Variants in CSMD3 observed in about 807,000 individuals in gnomAD.
The protein encoded by CSMD3 is CUB and sushi domain-containing protein 3.
Under a neutral mutation model 435.2 loss-of-function variants are expected in CSMD3, and 177 were observed. The ratio of observed to expected loss-of-function variants is 0.41; its 90% CI spans 0.36 to 0.46. The LOEUF (loss-of-function observed/expected upper bound fraction) is 0.46, where lower values mean the gene tolerates loss of function less well. CSMD3 is among the 20% of genes least tolerant of loss of function. The pLI is 0.34. For missense variants in CSMD3, 4,265 were observed against 4,504.6 expected (o/e 0.95, Z 1.52); for synonymous variants, 1,656 against 1,520.5 (o/e 1.09, Z -2.07).
At chr8:112,393,538 C>T (rs1830618264) in intron 35 of CSMD3, among the ~76,000 whole-genome samples, 1 of 152,156 alleles carries the variant, frequency 6.6e-6, no homozygotes, top group African/African-American at 2.4e-5. Flanking sequence ...TCTGAGCAGA[C>T]AAGGTCACCC....
intron 27 of CSMD3, among the ~76,000 whole-genome samples, chr8:112,518,736 C>G (rs1823965558): frequency 2.0e-5 from 3 of 151,606 alleles, no homozygotes; most frequent in African/African-American, 7.3e-5. Flanking sequence ...TTGTATTAGT[C>G]TGTTAACACA....
chr8:112,327,907 A>T (rs1436796045), intron 45 of CSMD3, among the ~76,000 whole-genome samples: 1 of 152,212 alleles, frequency 6.6e-6, no homozygotes, highest in Admixed American at 6.6e-5. Flanking sequence ...TCAATGAAAC[A>T]TCCAACCCAA....
chr8:112,407,303 C>A (rs1831944834), intron 34 of CSMD3, among the ~76,000 whole-genome samples: 1 of 151,916 alleles, frequency 6.6e-6, no homozygotes, highest in African/African-American at 2.4e-5. Context: ...AAAGTTTTTA[C>A]TTTAATAATC....
At chr8:113,352,414 T>C (rs2094196174) in intron 1 of CSMD3, among the ~76,000 whole-genome samples, 1 of 152,058 alleles carries the variant, frequency 6.6e-6, no homozygotes, top group African/African-American at 2.4e-5. Flanking sequence ...CCGAGAACCT[T>C]CAGAAGGAGC....
At chr8:113,073,262 C>T (rs958299733) in intron 5 of CSMD3, among the ~76,000 whole-genome samples, 2 of 151,744 alleles carry the variant, frequency 1.3e-5, no homozygotes, top group Non-Finnish European at 2.9e-5. Context: ...CGTTTCTGCA[C>T]ACCTGGTAAG....
intron 22 of CSMD3, among the ~76,000 whole-genome samples, chr8:112,608,163 G>T (rs1253506040): frequency 7.3e-5 from 11 of 151,656 alleles, no homozygotes; most frequent in Non-Finnish European, 1.6e-4. Context: ...TACTAACAAT[G>T]AACTATTCAA....
At chr8:112,811,579 G>T (rs1587365904) in intron 12 of CSMD3, among the ~76,000 whole-genome samples, 1 of 152,236 alleles carries the variant, frequency 6.6e-6, no homozygotes, top group East Asian at 1.9e-4. Context: ...AAAGATAGAA[G>T]TGTATATTTT....
At chr8:112,335,008 C>T (rs62514405) in intron 45 of CSMD3, among the ~76,000 whole-genome samples, 2,037 of 152,212 alleles carry the variant, frequency 0.013, 21 homozygotes, top group Non-Finnish European at 0.02. Context: ...AATCTATTGA[C>T]GTCTCAAAAT....
chr8:112,948,213 T>C (rs937002053), intron 8 of CSMD3, among the ~76,000 whole-genome samples: 14 of 151,988 alleles, frequency 9.2e-5, no homozygotes, highest in African/African-American at 3.4e-4. Context: ...AGAGTTTCCA[T>C]TAATCACTGG....
intron 31 of CSMD3, among the ~76,000 whole-genome samples, chr8:112,482,532 G>A (rs1421011517): frequency 6.6e-6 from 1 of 152,038 alleles, no homozygotes; most frequent in East Asian, 1.9e-4. Context: ...GTAGTCGCAC[G>A]CTGTTGTCAC....
intron 14 of CSMD3, 143 bp downstream of exon 14, chr8:112,689,725 C>A: frequency 1.5e-6 from 1 of 667,582 alleles, no homozygotes; most frequent in African/African-American, 1.8e-5. Flanking sequence ...GGCATAAGCA[C>A]ACTTGTTAAA....
intron 5 of CSMD3, among the ~76,000 whole-genome samples, chr8:113,086,661 C>T (rs2089792977): frequency 6.6e-6 from 1 of 152,028 alleles, no homozygotes; most frequent in South Asian, 2.1e-4. Flanking sequence ...CTGAGTTTGG[C>T]TTTACGTATG....
At chr8:112,582,696 A>G (rs902271425) in intron 23 of CSMD3, among the ~76,000 whole-genome samples, 1 of 152,044 alleles carries the variant, frequency 6.6e-6, no homozygotes, top group African/African-American at 2.4e-5. Context: ...CTATGGTCTC[A>G]ATATTTGTGT....
chr8:113,156,904 C>CCTGGGTGGA (rs2091944780), intron 4 of CSMD3, among the ~76,000 whole-genome samples: 1 of 150,562 alleles, frequency 6.6e-6, no homozygotes, highest in Non-Finnish European at 1.5e-5. Flanking sequence ...TTCAGTCCAG[C>CCTGGGTGGA]CTGGGTGACA....
rs189210496 is a variant in CSMD3, at chr8:113,411,337, A to G, written c.178+25340T>C. 4.6e-3 allele frequency among the ~76,000 whole-genome samples: 702 copies of G among 152,286 alleles called. 9 individuals are homozygous for G. The highest frequency in any genetic ancestry group is 0.016 in the African/African-American group (667 of 41,546). ...ATGTAACTTTAGTTAGGAAACTCTT[A>G]AGTTAGGACTTCAGTTACTCCACTA... is the stretch of plus-strand genomic sequence containing the variant. On this transcript the variant is annotated intron_variant, in intron 1 of 70. Coordinates refer to ENST00000297405, the MANE Select transcript of CSMD3 (RefSeq NM_198123.2).
At chr8:112,860,947 A>G (rs1299522858) in intron 10 of CSMD3, among the ~76,000 whole-genome samples, 2 of 151,900 alleles carry the variant, frequency 1.3e-5, no homozygotes, top group Non-Finnish European at 2.9e-5. Context: ...TCTCAAATCT[A>G]CATCACCAGC....
At chr8:112,880,439 T>C (rs1003136043) in intron 10 of CSMD3, among the ~76,000 whole-genome samples, 1 of 152,052 alleles carries the variant, frequency 6.6e-6, no homozygotes, top group Non-Finnish European at 1.5e-5. Context: ...CATAAAAGAA[T>C]AGACATTTTC....
At chr8:113,095,452 A>G (rs774118315) in intron 5 of CSMD3, among the ~76,000 whole-genome samples, 7 of 152,152 alleles carry the variant, frequency 4.6e-5, no homozygotes, top group Non-Finnish European at 7.3e-5. Context: ...CACCTACAAA[A>G]TTACTTTCAT....
chr8:113,322,871 G>A (rs1297959309), intron 1 of CSMD3, among the ~76,000 whole-genome samples: 1 of 151,996 alleles, frequency 6.6e-6, no homozygotes, highest in African/African-American at 2.4e-5. Context: ...TCAGCCTCCT[G>A]AGTAGCTGGG....
Sources: allele counts gnomAD v4.1 joint callset (sites outside exome capture counted in the v4.1 genomes callset), GRCh38; gene constraint gnomAD v4.1.1; transcripts MANE v1.5; gene names NCBI Gene and HGNC (gene_info 2026-07-23, HGNC 2026-07-21).